The following PTPRK variants were observed in gnomAD, a reference collection of about 807,000 sequenced individuals.
The protein encoded by PTPRK is receptor-type tyrosine-protein phosphatase kappa.
A neutral mutation model predicts 178.0 loss-of-function variants in PTPRK; 75 were observed. The observed-to-expected ratio is 0.42, with a 90% confidence interval of 0.35 to 0.51. The LOEUF (loss-of-function observed/expected upper bound fraction) is 0.51, where lower values mean the gene tolerates loss of function less well. Ranked by LOEUF, PTPRK falls within the 20% of genes least tolerant of loss-of-function variation. The pLI, the probability that PTPRK is intolerant of heterozygous loss-of-function variation, is 0.02. For synonymous variants in PTPRK, 637 were observed against 620.6 expected, an observed-to-expected ratio of 1.03 and a Z score of -0.39; for missense variants, 1,441 against 1,797.8, an observed-to-expected ratio of 0.80 and a Z score of 3.59.
At chr6:128,042,646 C>CCTT (rs1465026667) in intron 13 of PTPRK, among the ~76,000 whole-genome samples, 1 of 152,028 alleles carries the variant, frequency 6.6e-6, no homozygotes, top group Non-Finnish European at 1.5e-5. Flanking sequence ...ATCTCAAGAT[C>CCTT]CTTAACTTAA....
At chr6:128,271,813 GTTTA>G (rs1819867445) in intron 3 of PTPRK, among the ~76,000 whole-genome samples, 2 of 151,626 alleles carry the variant, frequency 1.3e-5, no homozygotes, top group African/African-American at 4.8e-5. Context: ...CATTTGACTG[GTTTA>G]TTTACTTTAC....
At chr6:128,129,000 A>C (rs1793804626) in intron 7 of PTPRK, among the ~76,000 whole-genome samples, 1 of 152,218 alleles carries the variant, frequency 6.6e-6, no homozygotes, top group Non-Finnish European at 1.5e-5. Context: ...TAAGGCCTAA[A>C]CAGGCCTATT....
intron 13 of PTPRK, among the ~76,000 whole-genome samples, chr6:128,055,402 C>T (rs1174525532): frequency 6.6e-6 from 1 of 152,026 alleles, no homozygotes; most frequent in African/African-American, 2.4e-5. Flanking sequence ...ATGCTTAAGA[C>T]CTAAGTAATG....
intron 7 of PTPRK, among the ~76,000 whole-genome samples, chr6:128,179,653 A>G (rs1801609503): frequency 1.3e-5 from 2 of 151,872 alleles, no homozygotes; most frequent in African/African-American, 4.8e-5. Flanking sequence ...AACCGAACCA[A>G]CTCTTAGAAG....
chr6:128,190,362 A>G (rs1172591393), intron 6 of PTPRK, among the ~76,000 whole-genome samples: 1 of 152,074 alleles, frequency 6.6e-6, no homozygotes, highest in Admixed American at 6.6e-5. Flanking sequence ...CAGTCAGCAA[A>G]TTCTATAAAT....
At chr6:128,425,234 T>A (rs1262324921) in intron 1 of PTPRK, among the ~76,000 whole-genome samples, 2 of 152,044 alleles carry the variant, frequency 1.3e-5, no homozygotes, top group Non-Finnish European at 2.9e-5. Context: ...TGTGTCACCA[T>A]GCCCAGCTAA....
At chr6:128,452,526 T>A (rs907847620) in intron 1 of PTPRK, among the ~76,000 whole-genome samples, 80 of 152,170 alleles carry the variant, frequency 5.3e-4, no homozygotes, top group African/African-American at 1.9e-3. Context: ...TTTCTTAAAT[T>A]CACATCCCAC....
At chr6:128,358,508 G>T (rs922843853) in intron 2 of PTPRK, among the ~76,000 whole-genome samples, 1 of 152,168 alleles carries the variant, frequency 6.6e-6, no homozygotes, top group Non-Finnish European at 1.5e-5. Flanking sequence ...TTCAGACATG[G>T]TACAATAAGA....
At chr6:128,465,308 A>G (rs555508242) in intron 1 of PTPRK, among the ~76,000 whole-genome samples, 2 of 152,288 alleles carry the variant, frequency 1.3e-5, no homozygotes, top group African/African-American at 4.8e-5. Context: ...AATAATTGTA[A>G]AACTTTGATA....
intron 3 of PTPRK, among the ~76,000 whole-genome samples, chr6:128,320,148 T>G (rs1217466713): frequency 6.6e-6 from 1 of 152,172 alleles, no homozygotes; most frequent in Non-Finnish European, 1.5e-5. Context: ...TTTTTGTACT[T>G]CTTGCTTAAA....
intron 11 of PTPRK, among the ~76,000 whole-genome samples, chr6:128,072,684 C>A (rs550015980): frequency 6.6e-6 from 1 of 152,050 alleles, no homozygotes; most frequent in East Asian, 1.9e-4. Flanking sequence ...CCATTGTTAC[C>A]CAAATATACT....
intron 5 of PTPRK, among the ~76,000 whole-genome samples, chr6:128,233,918 C>T (rs1188491588): frequency 2.0e-5 from 3 of 152,284 alleles, no homozygotes; most frequent in East Asian, 1.9e-4. Flanking sequence ...GCCTGCCAAG[C>T]GCTGTAATGA....
chr6:128,183,811 G>A (rs1418903863), intron 7 of PTPRK, among the ~76,000 whole-genome samples: 1 of 148,074 alleles, frequency 6.8e-6, no homozygotes, highest in Non-Finnish European at 1.5e-5. Flanking sequence ...CATTTTTTTT[G>A]TGTTTTCTCC....
At chr6:128,448,906 C>T (rs938180963) in intron 1 of PTPRK, among the ~76,000 whole-genome samples, 3 of 152,106 alleles carry the variant, frequency 2.0e-5, no homozygotes, top group Admixed American at 2.0e-4. Flanking sequence ...GTCACCCAGG[C>T]CGGAGCACAA....
intron 2 of PTPRK, among the ~76,000 whole-genome samples, chr6:128,332,202 C>T (rs986412208): frequency 1.7e-4 from 26 of 152,128 alleles, no homozygotes; most frequent in African/African-American, 9.7e-5. Context: ...ATTACTTTGA[C>T]GAACAAAATT....
At chr6:128,159,753 T>C (rs1798431847) in intron 7 of PTPRK, among the ~76,000 whole-genome samples, 1 of 151,790 alleles carries the variant, frequency 6.6e-6, no homozygotes, top group South Asian at 2.1e-4. Flanking sequence ...TAAAGTCTAT[T>C]TCTTCCAGAC....
intron 7 of PTPRK, among the ~76,000 whole-genome samples, chr6:128,093,623 A>AAAC (rs1787405556): frequency 7.8e-6 from 1 of 128,092 alleles, no homozygotes; most frequent in African/African-American, 2.9e-5. Flanking sequence ...AAAAAAAAAA[A>AAAC]CGAAAAAACA....
intron 6 of PTPRK, among the ~76,000 whole-genome samples, chr6:128,187,888 G>A (rs1803042076): frequency 6.6e-6 from 1 of 152,126 alleles, no homozygotes; most frequent in African/African-American, 2.4e-5. Flanking sequence ...GAGGTAAAAA[G>A]TAGCTTTATA....
intron 1 of PTPRK, among the ~76,000 whole-genome samples, chr6:128,403,070 T>G (rs1011165508): frequency 1.3e-5 from 2 of 152,212 alleles, no homozygotes; most frequent in African/African-American, 2.4e-5. Flanking sequence ...TAACTCTTAA[T>G]GATGACAGAA....
Sources: allele counts gnomAD v4.1 joint callset (sites outside exome capture counted in the v4.1 genomes callset), GRCh38; gene constraint gnomAD v4.1.1; transcripts MANE v1.5; gene names NCBI Gene and HGNC (gene_info 2026-07-23, HGNC 2026-07-21).